Variants in MGAT4C observed in about 807,000 individuals in gnomAD.
The protein encoded by MGAT4C is MGAT4 family member C.
MGAT4C carries 19 observed loss-of-function variants against 40.1 expected under a neutral mutation model. The observed-to-expected ratio is 0.47, with a 90% CI of 0.33 to 0.70. MGAT4C has a LOEUF of 0.70. Among genes scored for constraint, MGAT4C ranks in the 30% least tolerant of loss-of-function variants. The pLI is 0.02. For synonymous variants in MGAT4C, 181 were observed against 187.1 expected, an observed-to-expected ratio of 0.97 and a Z score of 0.27; for missense variants, 491 against 563.2, an observed-to-expected ratio of 0.87 and a Z score of 1.30.
chr12:86,734,791 CTAT>C (rs922421002), intron 1 of MGAT4C, among the ~76,000 whole-genome samples: 3 of 151,956 alleles, frequency 2.0e-5, no homozygotes, highest in African/African-American at 4.8e-5. Flanking sequence ...ATGTAGTATT[CTAT>C]TATACAGTAG....
At chr12:86,774,308 T>TTTC (rs1565981389) in intron 1 of MGAT4C, among the ~76,000 whole-genome samples, 27 of 39,560 alleles carry the variant, frequency 6.8e-4, no homozygotes, top group African/African-American at 1.7e-3. Flanking sequence ...TCTTTCTTTC[T>TTTC]TTCTTTCTTT....
At chr12:86,712,994 A>G (rs550609150) in intron 2 of MGAT4C, among the ~76,000 whole-genome samples, 3 of 152,136 alleles carry the variant, frequency 2.0e-5, no homozygotes, top group Non-Finnish European at 4.4e-5. Context: ...ATTTTAGTCC[A>G]TCTGCAATTT....
intron 1 of MGAT4C, among the ~76,000 whole-genome samples, chr12:86,785,351 A>G (rs1454363977): frequency 1.3e-5 from 2 of 152,064 alleles, no homozygotes; most frequent in African/African-American, 4.8e-5. Context: ...CAGTATTTCA[A>G]AAAGTAAAAC....
intron 1 of MGAT4C, among the ~76,000 whole-genome samples, chr12:86,201,740 A>C (rs991943253): frequency 1.3e-5 from 2 of 151,844 alleles, no homozygotes; most frequent in Non-Finnish European, 2.9e-5. Context: ...TCTATAGAAT[A>C]ATTGGATAAC....
intron 1 of MGAT4C, among the ~76,000 whole-genome samples, chr12:86,830,350 G>A (rs1033005107): frequency 2.6e-5 from 4 of 151,594 alleles, no homozygotes; most frequent in Non-Finnish European, 5.9e-5. Flanking sequence ...GTCACCACAT[G>A]TGTTTATCAG....
chr12:86,397,950 T>A (rs910130538), intron 3 of MGAT4C, among the ~76,000 whole-genome samples: 1 of 152,094 alleles, frequency 6.6e-6, no homozygotes, highest in African/African-American at 2.4e-5. Flanking sequence ...GTGACAGAGA[T>A]GCCATTTCTT....
intron 2 of MGAT4C, among the ~76,000 whole-genome samples, chr12:86,483,508 G>T (rs996556491): frequency 6.6e-6 from 1 of 151,830 alleles, no homozygotes; most frequent in African/African-American, 2.4e-5. Context: ...AAATCAAAAG[G>T]TTTTGTGGAG....
chr12:86,502,045 T>C (rs935085756), intron 2 of MGAT4C, among the ~76,000 whole-genome samples: 1 of 152,072 alleles, frequency 6.6e-6, no homozygotes, highest in Non-Finnish European at 1.5e-5. Context: ...GGACTCATGA[T>C]AGACACCATT....
intron 2 of MGAT4C, among the ~76,000 whole-genome samples, chr12:86,546,060 A>G (rs1355788969): frequency 6.6e-6 from 1 of 151,986 alleles, no homozygotes; most frequent in African/African-American, 2.4e-5. Flanking sequence ...CAATGCTCAA[A>G]ACGTTGACGT....
At position 86,622,806 on chromosome 12, in the gene MGAT4C, A is replaced by C. The variant is rs535997993; in HGVS notation, c.-229+104403T>G. ...AAAATGCAACTATAACGAGAAGAAA[A>C]ATTAATAGAAACAAATCTAAAAATG... is the stretch of plus-strand genomic sequence containing the variant. On this transcript the variant is annotated intron_variant, in intron 2 of 7. Coordinates refer to the MGAT4C transcript ENST00000548651. Among the ~76,000 whole-genome samples, 322 of 152,240 alleles carry C rather than the reference A, an allele frequency of 2.1e-3. 1 individual carries two copies. Among genetic ancestry groups the C allele is most frequent in the African/African-American group, 7.1e-3 (297 of 41,546 alleles).
chr12:86,143,230 G>A (rs1357332643), intron 1 of MGAT4C, among the ~76,000 whole-genome samples: 8 of 152,174 alleles, frequency 5.3e-5, no homozygotes, highest in African/African-American at 1.9e-4. Flanking sequence ...TCTACATAGT[G>A]AAGCCAGATG....
intron 2 of MGAT4C, among the ~76,000 whole-genome samples, chr12:86,512,951 A>G (rs991481746): frequency 6.6e-6 from 1 of 152,302 alleles, no homozygotes; most frequent in South Asian, 2.1e-4. Context: ...AATAAAAAAT[A>G]ATGAGAAAAA....
intron 2 of MGAT4C, among the ~76,000 whole-genome samples, chr12:86,500,547 A>G (rs1958322614): frequency 6.6e-6 from 1 of 151,978 alleles, no homozygotes; most frequent in Non-Finnish European, 1.5e-5. Flanking sequence ...GAAGATAGAA[A>G]TAATCCTTTA....
chr12:86,165,197 T>A (rs890173737), intron 1 of MGAT4C, among the ~76,000 whole-genome samples: 2 of 152,156 alleles, frequency 1.3e-5, no homozygotes, highest in African/African-American at 2.4e-5. Flanking sequence ...AGATTGATTA[T>A]GGGCTGATTC....
chr12:86,769,721 T>A (rs1593190482), intron 1 of MGAT4C, among the ~76,000 whole-genome samples: 1 of 152,060 alleles, frequency 6.6e-6, no homozygotes, highest in African/African-American at 2.4e-5. Context: ...TGTAGGGACA[T>A]GGATGAAATT....
intron 3 of MGAT4C, among the ~76,000 whole-genome samples, chr12:86,428,252 G>C (rs1290929043): frequency 6.6e-6 from 1 of 152,128 alleles, no homozygotes; most frequent in East Asian, 1.9e-4. Flanking sequence ...GTACAGTTTA[G>C]GTTAATTGCT....
intron 1 of MGAT4C, among the ~76,000 whole-genome samples, chr12:86,114,409 C>A (rs115699466): frequency 1.8e-4 from 27 of 151,520 alleles, no homozygotes; most frequent in African/African-American, 6.3e-4. Context: ...CAGAGGTTTG[C>A]GAGCATGACA....
chr12:86,004,240 T>G (rs1887642698), intron 2 of MGAT4C, among the ~76,000 whole-genome samples: 1 of 152,168 alleles, frequency 6.6e-6, no homozygotes. Context: ...TTCCCTAGAT[T>G]ATATTTTTGT....
chr12:86,090,413 C>T (rs956242020), intron 1 of MGAT4C, among the ~76,000 whole-genome samples: 1 of 151,580 alleles, frequency 6.6e-6, no homozygotes, highest in Non-Finnish European at 1.5e-5. Flanking sequence ...TAGTAATTAT[C>T]ACCCAGAAAA....
Sources: gnomAD v4.1 joint callset for allele counts (sites outside exome capture counted in the v4.1 genomes callset) on GRCh38, gnomAD v4.1.1 for gene constraint, MANE v1.5 for transcripts, NCBI Gene and HGNC (gene_info 2026-07-23, HGNC 2026-07-21) for gene names.